RPTOR: variants seen among roughly 807,000 people sequenced by gnomAD.
RPTOR encodes the protein regulatory associated protein of MTOR complex 1, also known as regulatory-associated protein of mTOR.
A neutral mutation model predicts 169.9 loss-of-function variants in RPTOR; 21 were observed. The ratio of observed to expected loss-of-function variants is 0.12; its 90% CI spans 0.09 to 0.18. RPTOR has a LOEUF of 0.18. RPTOR is among the 10% of genes least tolerant of loss of function. RPTOR has a pLI of 1.00. For missense variants in RPTOR, 1,133 were observed against 1,855.9 expected (o/e 0.61, Z 7.16); for synonymous variants, 732 against 753.2 (o/e 0.97, Z 0.46).
rs1291476187 is a variant in RPTOR at position 80,845,510 on chromosome 17, GC to G, written c.1213-962del. On this transcript the variant is annotated intron_variant, in intron 10 of 33. Coordinates refer to ENST00000306801, the MANE Select transcript of RPTOR (RefSeq NM_020761.3). This position sits in a 1 kb window ranked among gnomAD's most constrained non-coding sequence, Gnocchi z 5.4. ...TGCTTCTCTGCATCTGGGCCCCCTT[GC>G]TTTGCCGCCTGCCTGGTTCCCCTGG... 2.0e-5 allele frequency among the ~76,000 whole-genome samples: 3 copies of G among 151,146 alleles called. No homozygotes were observed. Among genetic ancestry groups the G allele is most frequent in the African/African-American group, 7.3e-5 (3 of 41,050 alleles).
At chr17:80,705,024 G>A (rs1044490942) in intron 3 of RPTOR, among the ~76,000 whole-genome samples, 1 of 152,260 alleles carries the variant, frequency 6.6e-6, no homozygotes, top group Non-Finnish European at 1.5e-5. Flanking sequence ...ACCTATGGGA[G>A]CAGGTGACAC....
At chr17:80,751,140 A>G (rs1386154433) in intron 5 of RPTOR, among the ~76,000 whole-genome samples, 1 of 152,174 alleles carries the variant, frequency 6.6e-6, no homozygotes, top group Non-Finnish European at 1.5e-5. Context: ...GTTCTGTACC[A>G]TCACCGTGGT....
chr17:80,632,365 G>A (rs2065449175), intron 2 of RPTOR, among the ~76,000 whole-genome samples: 1 of 152,212 alleles, frequency 6.6e-6, no homozygotes, highest in Non-Finnish European at 1.5e-5. Flanking sequence ...GGTTGTGTAG[G>A]TGTCATCTGA....
intron 7 of RPTOR, among the ~76,000 whole-genome samples, chr17:80,812,037 G>A (rs528352643): frequency 4.0e-5 from 6 of 151,032 alleles, no homozygotes; most frequent in South Asian, 2.1e-4. Context: ...ACACCCTCTC[G>A]AACAAGGCCT....
At chr17:80,617,006 A>G (rs978268863) in intron 1 of RPTOR, among the ~76,000 whole-genome samples, 1 of 152,226 alleles carries the variant, frequency 6.6e-6, no homozygotes, top group African/African-American at 2.4e-5. Context: ...AAACAGTTGT[A>G]TAGACATACA....
rs188896719 is a variant in RPTOR, at chr17:80,593,053, C to A, written c.163-32638C>A. Among the ~76,000 whole-genome samples, 7 of 152,254 alleles carry A rather than the reference C, an allele frequency of 4.6e-5. No individual in the cohort carries two copies. In the South Asian group the frequency reaches 1.2e-3, roughly 27 times the overall value. ...CCACTGAGTGCCTTTGCACAGACTG[C>A]GATCTGCTGGTTGCTGAGGGACAGG... On this transcript the variant is annotated intron_variant, in intron 1 of 33. Transcript: ENST00000306801.
intron 4 of RPTOR, among the ~76,000 whole-genome samples, chr17:80,729,686 G>A (rs1008151155): frequency 2.0e-5 from 3 of 152,196 alleles, no homozygotes; most frequent in African/African-American, 7.2e-5. Context: ...AAATTAAAGG[G>A]ACAGTGGCAT....
chr17:80,624,552 T>C (rs956595952), intron 1 of RPTOR, among the ~76,000 whole-genome samples: 30 of 152,180 alleles, frequency 2.0e-4, no homozygotes, highest in African/African-American at 7.2e-4. Flanking sequence ...GAAGTATTGG[T>C]TGATAGGTTA....
At chr17:80,689,159 A>G (rs1262931210) in intron 3 of RPTOR, among the ~76,000 whole-genome samples, 2 of 152,228 alleles carry the variant, frequency 1.3e-5, no homozygotes, top group African/African-American at 2.4e-5. Context: ...AAGTGACAGG[A>G]CTACCTTATG....
rs1450512774 is a variant in RPTOR at position 80,608,211 on chromosome 17, G to A, written c.163-17480G>A. 4.6e-5 allele frequency among the ~76,000 whole-genome samples: 7 copies of A among 152,324 alleles called. No individual in the cohort carries two copies. In the East Asian group the frequency reaches 5.8e-4, roughly 13 times the overall value. On this transcript the variant is annotated intron_variant, in intron 1 of 33. Coordinates refer to ENST00000306801, the MANE Select transcript of RPTOR (RefSeq NM_020761.3). ...CCCGACGGCGCAGCACAGTGACAGC[G>A]ACTTTTCTTGTGTCCATCTCCCACT...
At position 80,609,240 on chromosome 17, in the gene RPTOR, A is replaced by G. The variant is rs561480772; in HGVS notation, c.163-16451A>G. Among the ~76,000 whole-genome samples the G allele has an allele frequency of 6.6e-6, 1 of 152,312 alleles. No individual in the cohort carries two copies. The highest frequency in any genetic ancestry group is 2.1e-4 in the South Asian group (1 of 4,830). ...TGCTCTCAGGCCCACAGAATTCTGC[A>G]CTGTGAGCAGCGCAGGTCGGAAGAG... On this transcript the variant is annotated intron_variant, in intron 1 of 33. Transcript: ENST00000306801. This position sits in a 1 kb window ranked among gnomAD's most constrained non-coding sequence, Gnocchi z 4.8.
intron 5 of RPTOR, among the ~76,000 whole-genome samples, chr17:80,753,377 G>A (rs1598281870): frequency 1.6e-5 from 2 of 121,532 alleles, no homozygotes; most frequent in African/African-American, 5.4e-5. Context: ...GCTCACGCCT[G>A]TAATCCCAGC....
At chr17:80,693,782 G>A (rs1324904393) in intron 3 of RPTOR, among the ~76,000 whole-genome samples, 1 of 152,200 alleles carries the variant, frequency 6.6e-6, no homozygotes, top group Admixed American at 6.5e-5. Context: ...TTTTGCCAGG[G>A]GCCAGAGAGC....
At position 80,746,351 on chromosome 17, in the gene RPTOR, C is replaced by T. The variant is rs959284166; in HGVS notation, c.655-7659C>T. On this transcript the variant is annotated intron_variant, in intron 5 of 33. Transcript: ENST00000306801. The surrounding 1 kb of genome is among the most constrained non-coding windows in gnomAD (Gnocchi z 4.5). The stretch of plus-strand genomic sequence containing the variant: ...TGCTTTCTGCGGGTGATCCCCACCG[C>T]CCCCACAGCGGTGCTTTCTGCAGGG... Among the ~76,000 whole-genome samples, 6 of 151,922 alleles carry T rather than the reference C, an allele frequency of 3.9e-5. No individual in the cohort carries two copies. Among genetic ancestry groups the T allele is most frequent in the Admixed American group, 1.3e-4 (2 of 15,256 alleles).
chr17:80,949,445 G>A lies in RPTOR; in HGVS notation c.3268G>A (p.Asp1090Asn). Residue 1090 changes from aspartate to asparagine, a missense_variant and splice_region_variant, in exon 28 of 34, where the codon GAT becomes AAT. Asp to Asn is a conservative substitution (Grantham distance 23). This residue lies in a region of RPTOR where 410 missense variants were observed against 623.7 expected (regional missense o/e 0.66). Coordinates refer to ENST00000306801, the MANE Select transcript of RPTOR (RefSeq NM_020761.3). ...DCSLLLTATD[D>N]GAIRVWKNFA... ...TCCTTTCCTCTCTCCCTCCCCAGAC[G>A]ATGGTGCCATCAGGGTCTGGAAGAA... 3 of 1,613,296 alleles carry A rather than the reference G, an allele frequency of 1.9e-6. No homozygotes were observed. Among genetic ancestry groups the A allele is most frequent in the South Asian group, 1.1e-5 (1 of 91,074 alleles).
At chr17:80,772,528 C>T (rs562583277) in intron 6 of RPTOR, among the ~76,000 whole-genome samples, 1 of 142,552 alleles carries the variant, frequency 7.0e-6, no homozygotes, top group Non-Finnish European at 1.5e-5. Flanking sequence ...TCCCCTCCCC[C>T]CCACATGCCT....
At chr17:80,832,361 G>A (rs750369584) in intron 9 of RPTOR, among the ~76,000 whole-genome samples, 13 of 152,214 alleles carry the variant, frequency 8.5e-5, no homozygotes, top group East Asian at 1.9e-4. Flanking sequence ...TGGGAAGGCC[G>A]CGAGGAGTGG....
intron 1 of RPTOR, among the ~76,000 whole-genome samples, chr17:80,617,085 A>G (rs1178776468): frequency 2.0e-5 from 3 of 152,152 alleles, no homozygotes; most frequent in Non-Finnish European, 2.9e-5. Flanking sequence ...CTGCCCCCCC[A>G]TGCTTATAGA....
intron 21 of RPTOR, among the ~76,000 whole-genome samples, chr17:80,919,079 G>T (rs1488098192): frequency 6.6e-6 from 1 of 152,214 alleles, no homozygotes; most frequent in Non-Finnish European, 1.5e-5. Context: ...CTAGGACTGA[G>T]GGCACCGTGG....
Sources: gnomAD v4.1 joint callset for allele counts (sites outside exome capture counted in the v4.1 genomes callset) on GRCh38, gnomAD v4.1.1 for gene constraint, gnomAD v4.1.1 regional missense constraint, Gnocchi (gnomAD v3.1) non-coding constraint, MANE v1.5 for transcripts, NCBI Gene and HGNC (gene_info 2026-07-23, HGNC 2026-07-21) for gene names.